MGAM: variants seen among roughly 807,000 people sequenced by gnomAD.
The protein encoded by MGAM is alpha-1,4-glucosidase.
MGAM carries 253 observed loss-of-function variants against 358.8 expected under a neutral mutation model. That is an observed-to-expected ratio of 0.71 (90% CI 0.64 to 0.78). The LOEUF is 0.78. Ranked by LOEUF, MGAM falls within the 30% of genes least tolerant of loss-of-function variation. The pLI, the probability that MGAM is intolerant of heterozygous loss-of-function variation, is 0.00. For missense variants in MGAM, 3,080 were observed against 3,432.6 expected, an observed-to-expected ratio of 0.90 and a Z score of 2.57; for synonymous variants, 1,105 against 1,227.1, an observed-to-expected ratio of 0.90 and a Z score of 2.08.
At chr7:142,013,341 T>A (rs1395463065) in intron 3 of MGAM, among the ~76,000 whole-genome samples, 2 of 152,164 alleles carry the variant, frequency 1.3e-5, no homozygotes, top group Non-Finnish European at 2.9e-5. Flanking sequence ...TGCCACTGAC[T>A]CACTCAAGCT....
chr7:142,044,299 A>AAT (rs1186657825), intron 21 of MGAM, among the ~76,000 whole-genome samples: 2 of 91,690 alleles, frequency 2.2e-5, no homozygotes, highest in African/African-American at 3.0e-5. Context: ...TATAATATAT[A>AAT]CTATATATAA....
Position 142,039,172 on chromosome 7 carries a change from C to A in MGAM, c.2316+557C>A, listed in dbSNP as rs1481725661. Among the ~76,000 whole-genome samples, 4 of 147,246 alleles carry A rather than the reference C, an allele frequency of 2.7e-5. No homozygotes were observed. In the East Asian group the frequency reaches 7.9e-4, roughly 29 times the overall value. The stretch of plus-strand genomic sequence containing the variant: ...CCAGGCTGGAGTGCAGTGGCACAAT[C>A]CCAGCTCACTGCAACCTCCAACTCC... On this transcript the variant is annotated intron_variant, in intron 19 of 70. Coordinates refer to ENST00000475668, the MANE Select transcript of MGAM (RefSeq NM_001365693.1).
rs780949262 is a variant in MGAM, at chr7:142,094,467, G to C, written c.7276G>C (p.Ala2426Pro). Reference sequence around the variant, plus strand: ...ACATTGGCTGGGAGACAACACAGCCGCGTGGGATCAGCTGAAGAAGTCTAT... The same window carrying C: ...ACATTGGCTGGGAGACAACACAGCCCCGTGGGATCAGCTGAAGAAGTCTAT... ...AGHWLGDNTA[A>P]WDQLKKSIIG... Residue 2426 changes from alanine to proline, a missense_variant, in exon 61 of 71, where the codon GCG becomes CCG. Physicochemically the swap from Ala to Pro is conservative, Grantham distance 27. Around this residue, in one of 5 missense-constraint regions of MGAM, gnomAD observed 932 missense variants for 1,198.2 expected, o/e 0.78. Transcript: ENST00000475668. The C allele has an allele frequency of 2.0e-6, 3 of 1,535,852 alleles. No homozygotes were observed. Among genetic ancestry groups the C allele is most frequent in the Non-Finnish European group, 2.7e-6 (3 of 1,122,104 alleles).
At chr7:142,063,664 G>T (rs1812452121) in intron 36 of MGAM, 78 bp downstream of exon 36, 1 of 1,493,316 alleles carries the variant, frequency 6.7e-7, no homozygotes. Context: ...GCCAGGGGCA[G>T]CCCCACAGCT....
chr7:142,028,803 T>C (rs953345948), intron 10 of MGAM, among the ~76,000 whole-genome samples: 1 of 151,692 alleles, frequency 6.6e-6, no homozygotes, highest in South Asian at 2.1e-4. Flanking sequence ...TCAGGGCAGA[T>C]AAAGACGTTT....
intron 30 of MGAM, 101 bp from the exon 31 acceptor site, chr7:142,058,102 T>A (rs754399365): frequency 2.6e-6 from 4 of 1,553,200 alleles, no homozygotes; most frequent in Non-Finnish European, 3.5e-6. Context: ...AATTAGTTAG[T>A]TGTCTAGCTT....
rs1433819682 is a variant in MGAM, at chr7:142,081,807, A to G, written c.6003-235A>G. 1.4e-5 allele frequency among the ~76,000 whole-genome samples: 2 copies of G among 145,412 alleles called. 1 individual carries two copies. The highest frequency in any genetic ancestry group is 1.4e-4 in the Admixed American group (2 of 14,394). On this transcript the variant is annotated intron_variant, in intron 50 of 70. Transcript: ENST00000475668. The stretch of plus-strand genomic sequence containing the variant: ...GATGGTGAGGGGAGCTTGTATTTGT[A>G]TTGTAGAGGACCACTGAAAGGAGGC...
chr7:142,055,836 G>A (rs1811468282), intron 28 of MGAM, 110 bp downstream of exon 28: 1 of 1,529,438 alleles, frequency 6.5e-7, no homozygotes. Flanking sequence ...TCTGCTTTTA[G>A]GCAAGTGGGC....
intron 33 of MGAM, 103 bp from the exon 34 acceptor site, chr7:142,060,208 T>A (rs4492290): frequency 0.33 from 474,164 of 1,452,212 alleles, 62,713 homozygotes; most frequent in Non-Finnish European, 0.36. Context: ...ATAGTCAAAG[T>A]ATTATTGCTC....
chr7:142,027,699 A>T lies in MGAM; in HGVS notation c.1185A>T (p.Glu395Asp), dbSNP rs879954640. 1.2e-6 allele frequency: 2 copies of T among 1,613,292 alleles called. No individual in the cohort carries two copies. Among genetic ancestry groups the T allele is most frequent in the Admixed American group, 3.3e-5 (2 of 59,974 alleles). The change falls in exon 10 of 71, where the codon GAA becomes GAT. Residue 395 changes from glutamate (E) to aspartate (D), a missense_variant. Physicochemically the swap from Glu to Asp is conservative, Grantham distance 45 (BLOSUM62 2). This residue lies in a region of MGAM where 1,816 missense variants were observed against 1,840.5 expected (regional missense o/e 0.99). Transcript: ENST00000475668. Reference protein sequence around the residue: ...YEYGTLDNMREVVERNRAAQL... With the variant: ...YEYGTLDNMRDVVERNRAAQL... ...ATGGAACCTTAGACAACATGAGGGA[A>T]GTCGTGGAGAGAAATCGCGCAGCAC...
Position 142,082,585 on chromosome 7 carries a change from G to A in MGAM, c.6268+14G>A. 6.7e-7 allele frequency: 1 copy of A among 1,483,092 alleles called. No homozygotes were observed. Among genetic ancestry groups the A allele is most frequent in the Non-Finnish European group, 9.2e-7 (1 of 1,088,228 alleles). The allele number at this position is 1,483,092 out of a possible 1,614,324, so 91.9% of individuals were successfully genotyped here. A position where few individuals can be genotyped will look rare whatever the true frequency, so the allele number is the denominator to read the frequency against. ...GCAATGCCATGGGTAAGGCCATCCA[G>A]CGCCTCCCTTATTTTGGGGGGATAC... is the stretch of plus-strand genomic sequence containing the variant. On this transcript the variant is annotated intron_variant, in intron 52 of 70. Transcript: ENST00000475668.
chr7:141,993,369 T>A (rs906132290), upstream of MGAM, among the ~76,000 whole-genome samples: 2 of 152,236 alleles, frequency 1.3e-5, no homozygotes, highest in East Asian at 3.8e-4. Context: ...AAATAAATTT[T>A]AAAAAAGCAT....
chr7:142,094,714 T>C, intron 62 of MGAM, 33 bp from the exon 63 acceptor site: 1 of 1,613,148 alleles, frequency 6.2e-7, no homozygotes, highest in Non-Finnish European at 8.5e-7. Context: ...TCAGAAATCA[T>C]CAGCAGGCTC....
chr7:142,061,593 C>T lies in MGAM; in HGVS notation c.4123-975C>T, dbSNP rs147786823. On this transcript the variant is annotated intron_variant, in intron 34 of 70. Transcript: ENST00000475668. The stretch of plus-strand genomic sequence containing the variant: ...TATCTGTGGTGTATAAGAACTGGAG[C>T]TCCCCTAGACCAAGTCCTGTTTTTG... Among the ~76,000 whole-genome samples, 686 of 152,268 alleles carry T rather than the reference C, an allele frequency of 4.5e-3. 7 individuals carry two copies. The highest frequency in any genetic ancestry group is 0.014 in the Middle Eastern group (4 of 294).
intron 3 of MGAM, among the ~76,000 whole-genome samples, chr7:142,018,882 T>C (rs1554457239): frequency 6.6e-6 from 1 of 152,178 alleles, no homozygotes; most frequent in East Asian, 1.9e-4. Flanking sequence ...ATTTGTAATT[T>C]TGGATTACTG....
rs766851983 is a variant in MGAM, at chr7:142,066,744, G to A, written c.4919+23G>A. The A allele has an allele frequency of 2.5e-5, 38 of 1,545,954 alleles. 5 individuals are homozygous for A. Among genetic ancestry groups the A allele is most frequent in the Non-Finnish European group, 3.2e-5 (36 of 1,127,092 alleles). On this transcript the variant is annotated intron_variant, in intron 41 of 70. Transcript: ENST00000475668. The stretch of plus-strand genomic sequence containing the variant: ...TGAGTGAGTGTCCAGCAGGGATCCC[G>A]ATGACTAATGGATGACTTATTGCAT...
chr7:142,058,275 G>T lies in MGAM; in HGVS notation c.3766G>T (p.Asp1256Tyr). 6.2e-7 allele frequency: 1 copy of T among 1,613,946 alleles called. No individual in the cohort carries two copies. Among genetic ancestry groups the T allele is most frequent in the Non-Finnish European group, 8.5e-7 (1 of 1,179,860 alleles). ...GCTGTGTCGCTATGGCTACCAGAAT[G>T]ACTCTGAGATCGCCAGCTTGTATGA... ...FQLCRYGYQN[D>Y]SEIASLYDEM... is the part of the protein sequence containing the mutation. Residue 1256 changes from aspartate (D) to tyrosine (Y), a missense_variant, in exon 31 of 71, where the codon GAC (aspartate) becomes TAC (tyrosine). Asp to Tyr is a radical substitution (Grantham distance 160). Transcript: ENST00000475668.
At chr7:142,084,380 A>G (rs980881380) in intron 53 of MGAM, 139 bp from the exon 54 acceptor site, 5 of 1,054,754 alleles carry the variant, frequency 4.7e-6, no homozygotes, top group East Asian at 5.0e-5. Context: ...TAGTGGCTCT[A>G]TATCCTGTCA....
rs190683120 is a variant in MGAM, at chr7:142,060,076, A to C, written c.4059+110A>C. On this transcript the variant is annotated intron_variant, in intron 33 of 70. Coordinates refer to ENST00000475668, the MANE Select transcript of MGAM (RefSeq NM_001365693.1). ...GTGTATGTTATTTTTGGCCTTTTCT[A>C]TTTGGGCTCTGAGGTCAGAAGCTCT... 1,484 of 1,332,756 alleles carry C rather than the reference A, an allele frequency of 1.1e-3. 1 individual carries two copies. Among genetic ancestry groups the C allele is most frequent in the Non-Finnish European group, 1.1e-3 (1,021 of 969,372 alleles). The allele number at this position is 1,332,756 out of a possible 1,614,324, so 82.6% of individuals were successfully genotyped here. A position where few individuals can be genotyped will look rare whatever the true frequency, so the allele number is the denominator to read the frequency against.
Sources: gnomAD v4.1 joint callset for allele counts (sites outside exome capture counted in the v4.1 genomes callset) on GRCh38, gnomAD v4.1.1 for gene constraint, gnomAD v4.1.1 regional missense constraint, MANE v1.5 for transcripts, NCBI Gene and HGNC (gene_info 2026-07-23, HGNC 2026-07-21) for gene names.